The following GRM7 variants were observed in gnomAD, a reference collection of about 807,000 sequenced individuals.
GRM7 encodes glutamate metabotropic receptor 7, also known as metabotropic glutamate receptor 7.
In GRM7, 35 loss-of-function variants were observed where a neutral mutation model predicts 84.5. That is an observed-to-expected ratio of 0.41 (90% CI 0.32 to 0.55). The LOEUF (loss-of-function observed/expected upper bound fraction) is 0.55. Ranked by LOEUF, GRM7 falls within the 20% of genes least tolerant of loss-of-function variation. GRM7 has a pLI of 0.19. For synonymous variants in GRM7, 487 were observed against 455.1 expected, an observed-to-expected ratio of 1.07 and a Z score of -0.89; for missense variants, 1,003 against 1,194.6, an observed-to-expected ratio of 0.84 and a Z score of 2.36.
chr3:7,579,278 G>T lies in GRM7; in HGVS notation c.2372G>T (p.Gly791Val). 6.2e-7 allele frequency: 1 copy of T among 1,613,892 alleles called. No homozygotes were observed. Among genetic ancestry groups the T allele is most frequent in the Non-Finnish European group, 8.5e-7 (1 of 1,179,872 alleles). Residue 791 changes from glycine (G) to valine (V), a missense_variant, in exon 8 of 10, where the codon GGA becomes GTA. Physicochemically the swap from Gly to Val is moderately radical, Grantham distance 109. Transcript: ENST00000357716. Reference sequence around the variant, plus strand: ...AATTTTAACGAAGCCAAGCCCATTGGATTCACTATGTACACGACATGTATA... The same window carrying T: ...AATTTTAACGAAGCCAAGCCCATTGTATTCACTATGTACACGACATGTATA... ...PENFNEAKPI[G>V]FTMYTTCIVW...
intron 2 of GRM7, among the ~76,000 whole-genome samples, chr3:7,186,709 C>T (rs763045518): frequency 2.0e-5 from 3 of 151,982 alleles, no homozygotes; most frequent in African/African-American, 7.3e-5. Context: ...TTGTCATAAC[C>T]GTCTTTAGCT....
rs565987205 is a variant in GRM7, at chr3:7,295,613, A to T, written c.737-3071A>T. Among the ~76,000 whole-genome samples the T allele has an allele frequency of 4.6e-5, 7 of 152,294 alleles. No homozygotes were observed. The East Asian group carries it at 7.7e-4, about 17-fold the overall frequency. On this transcript the variant is annotated intron_variant, in intron 2 of 9. Coordinates refer to ENST00000357716, the MANE Select transcript of GRM7 (RefSeq NM_000844.4). ...AATTTACTTACACGTTTAAAAATGT[A>T]TTTTAGCCATGTTTTATAGTTTTCA... is the stretch of plus-strand genomic sequence containing the variant.
At chr3:6,964,279 G>T (rs894646123) in intron 1 of GRM7, among the ~76,000 whole-genome samples, 3 of 152,110 alleles carry the variant, frequency 2.0e-5, no homozygotes, top group Admixed American at 6.5e-5. Flanking sequence ...CTGCCAATCT[G>T]GTTGGGGTTC....
At chr3:6,884,707 C>G (rs987566311) in intron 1 of GRM7, among the ~76,000 whole-genome samples, 6 of 151,990 alleles carry the variant, frequency 3.9e-5, no homozygotes, top group Non-Finnish European at 7.4e-5. Context: ...TCAAGCAATT[C>G]TCCTGCCTCA....
In GRM7 at chr3:7,007,275, A is replaced by G. The variant is rs192655137; in HGVS notation, c.520-139177A>G. 5.5e-3 allele frequency among the ~76,000 whole-genome samples: 838 copies of G among 152,282 alleles called. 12 individuals carry two copies. Among genetic ancestry groups the G allele is most frequent in the African/African-American group, 0.019 (801 of 41,554 alleles). On this transcript the variant is annotated intron_variant, in intron 1 of 9. Coordinates refer to ENST00000357716, the MANE Select transcript of GRM7 (RefSeq NM_000844.4). Reference sequence around the variant, plus strand: ...TCAATCAAACGGAGATGATGGCCACACCTAACCTGTATCGTGATGATAAGG... The same window carrying G: ...TCAATCAAACGGAGATGATGGCCACGCCTAACCTGTATCGTGATGATAAGG...
chr3:7,461,313 A>G (rs1698237521), intron 6 of GRM7, among the ~76,000 whole-genome samples: 1 of 152,198 alleles, frequency 6.6e-6, no homozygotes, highest in Non-Finnish European at 1.5e-5. Flanking sequence ...CAGAAAGGGG[A>G]AAATACTAGA....
chr3:7,399,145 A>T (rs1695339885), intron 4 of GRM7, among the ~76,000 whole-genome samples: 1 of 150,902 alleles, frequency 6.6e-6, no homozygotes, highest in South Asian at 2.1e-4. Context: ...TGATTTGGAA[A>T]TCACACATCT....
rs74481648 is a variant in GRM7, at chr3:6,983,785, C to A, written c.519+121878C>A. Among the ~76,000 whole-genome samples, 1,142 of 150,592 alleles carry A rather than the reference C, an allele frequency of 7.6e-3. 8 individuals are homozygous for A. Among genetic ancestry groups the A allele is most frequent in the Non-Finnish European group, 0.011 (740 of 67,552 alleles). The stretch of plus-strand genomic sequence containing the variant: ...TTATTTTTTTTCTACAATCCAACCT[C>A]AGATGACCTTTTGTTTTGTTTTTTT... On this transcript the variant is annotated intron_variant, in intron 1 of 9. Coordinates refer to ENST00000357716, the MANE Select transcript of GRM7 (RefSeq NM_000844.4).
At chr3:7,040,869 G>A (rs1252860939) in intron 1 of GRM7, among the ~76,000 whole-genome samples, 1 of 151,822 alleles carries the variant, frequency 6.6e-6, no homozygotes, top group Non-Finnish European at 1.5e-5. Context: ...GATCATTTGA[G>A]CTCAGGAGTT....
intron 7 of GRM7, among the ~76,000 whole-genome samples, chr3:7,467,843 GTGCCC>G (rs1698525815): frequency 6.6e-6 from 1 of 151,934 alleles, no homozygotes; most frequent in Non-Finnish European, 1.5e-5. Flanking sequence ...TTGTTTTAGT[GTGCCC>G]AGGATGGAAA....
At chr3:6,881,902 T>A (rs766148602) in intron 1 of GRM7, among the ~76,000 whole-genome samples, 1 of 147,650 alleles carries the variant, frequency 6.8e-6, no homozygotes, top group Non-Finnish European at 1.5e-5. Context: ...CAATGATCGA[T>A]TAGTCTAAGG....
chr3:7,066,243 G>T (rs376904664), intron 1 of GRM7, among the ~76,000 whole-genome samples: 17 of 151,944 alleles, frequency 1.1e-4, no homozygotes, highest in African/African-American at 3.9e-4. Flanking sequence ...CAAAAAGCTG[G>T]TTCTTTGAAA....
chr3:7,680,269 A>C lies in GRM7; in HGVS notation c.2672A>C (p.Glu891Ala). ...AGACCCAACGGTGAGGCAAAGACCG[A>C]GCTCTGTGAAAACGTAGACCCAAAC... ...SDRPNGEAKT[E>A]LCENVDPNSP... Residue 891 changes from glutamate (E) to alanine (A), a missense_variant, in exon 9 of 10, where the codon GAG becomes GCG. Physicochemically the swap from Glu to Ala is moderately radical, Grantham distance 107. Around this residue, in one of 2 missense-constraint regions of GRM7, gnomAD observed 910 missense variants for 1,126.0 expected, o/e 0.81. Transcript: ENST00000357716. 3 of 1,614,128 alleles carry C rather than the reference A, an allele frequency of 1.9e-6. No individual in the cohort carries two copies. The highest frequency in any genetic ancestry group is 2.5e-6 in the Non-Finnish European group (3 of 1,179,964).
chr3:7,039,979 C>G (rs541571573), intron 1 of GRM7, among the ~76,000 whole-genome samples: 1 of 152,244 alleles, frequency 6.6e-6, no homozygotes, highest in South Asian at 2.1e-4. Flanking sequence ...TACTCGGCAC[C>G]TAGCAATTGC....
At chr3:7,619,405 G>A (rs1056250445) in intron 8 of GRM7, among the ~76,000 whole-genome samples, 6 of 151,854 alleles carry the variant, frequency 4.0e-5, no homozygotes, top group African/African-American at 7.2e-5. Flanking sequence ...AGAAATGGGC[G>A]GATTTCAGAA....
chr3:7,251,939 T>G (rs907786127), intron 2 of GRM7, among the ~76,000 whole-genome samples: 1 of 152,180 alleles, frequency 6.6e-6, no homozygotes, highest in African/African-American at 2.4e-5. Context: ...ATAAGTAAAC[T>G]CCAGTAGCCG....
chr3:7,542,739 GT>G (rs1188692190), intron 7 of GRM7, among the ~76,000 whole-genome samples: 14 of 151,948 alleles, frequency 9.2e-5, no homozygotes, highest in Admixed American at 7.9e-4. Flanking sequence ...GTAGAGACAG[GT>G]TTTCACCACG....
At chr3:7,651,625 T>A (rs755921074) in intron 8 of GRM7, among the ~76,000 whole-genome samples, 42 of 152,196 alleles carry the variant, frequency 2.8e-4, no homozygotes, top group Non-Finnish European at 4.4e-4. Context: ...GAATTGCTGC[T>A]CAGTTCCATG....
At chr3:7,462,412 C>G (rs1416056251) in intron 7 of GRM7, among the ~76,000 whole-genome samples, 2 of 152,174 alleles carry the variant, frequency 1.3e-5, no homozygotes, top group Non-Finnish European at 2.9e-5. Context: ...ATCCAGAAAC[C>G]TCACAGACAC....
Sources: allele counts gnomAD v4.1 joint callset (sites outside exome capture counted in the v4.1 genomes callset), GRCh38; gene constraint gnomAD v4.1.1; regional missense constraint gnomAD v4.1.1; transcripts MANE v1.5; gene names NCBI Gene and HGNC (gene_info 2026-07-23, HGNC 2026-07-21).